Variants in TAC3 observed in about 807,000 individuals in gnomAD.
TAC3 encodes the protein tachykinin-3.
A neutral mutation model predicts 16.5 loss-of-function variants in TAC3; 9 were observed. The observed-to-expected ratio is 0.55, with a 90% CI of 0.33 to 0.95. The LOEUF is 0.95. Ranked by LOEUF, TAC3 falls within the 40% of genes least tolerant of loss-of-function variation. The pLI is 0.03. For missense variants in TAC3, 129 were observed against 149.1 expected (o/e 0.87, Z 0.70); for synonymous variants, 52 against 56.7 (o/e 0.92, Z 0.37).
chr12:57,012,019 T>C (rs1397060516), intron 6 of TAC3: 2 of 307,216 alleles, frequency 6.5e-6, no homozygotes, highest in East Asian at 1.6e-4. Flanking sequence ...GTGGTATTTG[T>C]AATTATCAGA....
At chr12:57,011,055 C>T (rs535529448) in intron 6 of TAC3, among the ~76,000 whole-genome samples, 5 of 152,212 alleles carry the variant, frequency 3.3e-5, no homozygotes, top group East Asian at 3.9e-4. Context: ...TATAGCTGCT[C>T]GTATAATTAT....
Position 57,015,683 on chromosome 12 carries a change from C to T in TAC3, c.114+1G>A. ...CCAGTACTCTGCCAGGGGAGACTTA[C>T]CTTGCTGCGGCCCCCGCCAGGAACC... On this transcript the variant is annotated splice_donor_variant, in intron 2 of 6. Coordinates refer to ENST00000458521, the MANE Select transcript of TAC3 (RefSeq NM_013251.4). LOFTEE classifies it high-confidence loss of function. 6.2e-7 allele frequency: 1 copy of T among 1,613,390 alleles called. No homozygotes were observed. Among genetic ancestry groups the T allele is most frequent in the Non-Finnish European group, 8.5e-7 (1 of 1,179,816 alleles).
Position 57,013,675 on chromosome 12 carries a change from G to A in TAC3, c.115-4C>T, listed in dbSNP as rs756777532. On this transcript the variant is annotated splice_region_variant and splice_polypyrimidine_tract_variant and intron_variant, in intron 2 of 6. Transcript: ENST00000458521. The stretch of plus-strand genomic sequence containing the variant: ...GCTGGTAGAGATCTGGATCCCTCTA[G>A]GGAAGAAACAAAGAGGGGTGAGGCA... 6.8e-6 allele frequency: 11 copies of A among 1,610,080 alleles called. No homozygotes were observed. Among genetic ancestry groups the A allele is most frequent in the Non-Finnish European group, 9.3e-6 (11 of 1,178,106 alleles).
chr12:57,010,440 T>C (rs1191566083), intron 6 of TAC3, among the ~76,000 whole-genome samples, 152 bp from the exon 7 acceptor site: 1 of 152,242 alleles, frequency 6.6e-6, no homozygotes, highest in Non-Finnish European at 1.5e-5. Flanking sequence ...ACCCTCAGCC[T>C]GCCCTCCAGG....
Position 57,010,209 on chromosome 12 carries a change from T to C in TAC3, c.*81A>G. On this transcript the variant is annotated 3_prime_UTR_variant, in exon 7 of 7. Transcript: ENST00000458521. ...TTACAAGAACAGGGAAGAGAAAGGG[T>C]AACAGGAGCGTGCGCACCTGGGGAT... is the stretch of plus-strand genomic sequence containing the variant. 1 of 453,868 alleles carries C rather than the reference T, an allele frequency of 2.2e-6. No homozygotes were observed. The highest frequency in any genetic ancestry group is 4.4e-6 in the Non-Finnish European group (1 of 226,746). The allele number at this position is 453,868 out of a possible 1,614,324, so 28.1% of individuals were successfully genotyped here. A position where few individuals can be genotyped will look rare whatever the true frequency, so the allele number is the denominator to read the frequency against.
intron 1 of TAC3, 24 bp downstream of exon 1, chr12:57,016,363 T>C (rs1956374976): frequency 2.3e-6 from 1 of 435,228 alleles, no homozygotes; most frequent in South Asian, 1.6e-5. Flanking sequence ...CTCTGGTCCA[T>C]CCAGCATTCT....
intron 6 of TAC3, among the ~76,000 whole-genome samples, chr12:57,011,690 C>G (rs1292362133): frequency 6.6e-6 from 1 of 152,226 alleles, no homozygotes; most frequent in Non-Finnish European, 1.5e-5. Flanking sequence ...CTCAAAACCA[C>G]AACCCTGTGA....
At chr12:57,013,031 C>T in intron 4 of TAC3, 156 bp from the exon 5 acceptor site, 1 of 919,408 alleles carries the variant, frequency 1.1e-6, no homozygotes, top group Admixed American at 2.0e-5. Context: ...TCCCCTAAAC[C>T]CACTCTCTCT....
At chr12:57,013,432 AAAGT>A in intron 3 of TAC3, 44 bp from the exon 4 acceptor site, 1 of 1,612,966 alleles carries the variant, frequency 6.2e-7, no homozygotes, top group Non-Finnish European at 8.5e-7. Flanking sequence ...GTGAAGTTGG[AAAGT>A]GATGAGAGCG....
At chr12:57,013,713 C>A in intron 2 of TAC3, 42 bp from the exon 3 acceptor site, 1 of 1,492,162 alleles carries the variant, frequency 6.7e-7, no homozygotes, top group Non-Finnish European at 9.3e-7. Flanking sequence ...AGGCTCCCAC[C>A]CGGATCCACT....
At chr12:57,015,445 C>T (rs527913988) in intron 2 of TAC3, among the ~76,000 whole-genome samples, 1 of 152,286 alleles carries the variant, frequency 6.6e-6, no homozygotes, top group East Asian at 1.9e-4. Context: ...CACCAAACAA[C>T]ATATTTGTAG....
Position 57,015,709 on chromosome 12 carries a change from A to ACC in TAC3, c.87_88dup (p.Val30GlyfsTer36). On this transcript the variant is annotated frameshift_variant, in exon 2 of 7. Coordinates refer to ENST00000458521, the MANE Select transcript of TAC3 (RefSeq NM_013251.4). LOFTEE classifies it high-confidence loss of function. Reference sequence around the variant, plus strand: ...CTTGCTGCGGCCCCCGCCAGGAACCACCTCCTCCTGTGGCTCCTTACAGAC... The same window carrying ACC: ...CTTGCTGCGGCCCCCGCCAGGAACCACCCCTCCTCCTGTGGCTCCTTACAGAC... 6.2e-7 allele frequency: 1 copy of ACC among 1,613,660 alleles called. No individual in the cohort carries two copies. Among genetic ancestry groups the ACC allele is most frequent in the Non-Finnish European group, 8.5e-7 (1 of 1,179,926 alleles).
chr12:57,012,027 A>T (rs59613457), intron 6 of TAC3: 6 of 310,862 alleles, frequency 1.9e-5, no homozygotes, highest in Non-Finnish European at 3.7e-5. Context: ...TGTAATTATC[A>T]GATAATAATT....
intron 4 of TAC3, 149 bp downstream of exon 4, chr12:57,013,210 C>A: frequency 9.6e-7 from 1 of 1,043,936 alleles, no homozygotes; most frequent in South Asian, 1.3e-5. Flanking sequence ...GATGGCCTCT[C>A]CCTTTCAGGA....
rs184345393 is a variant in TAC3, at chr12:57,012,584, G to A, written c.293-132C>T. 1.1e-4 allele frequency: 178 copies of A among 1,608,038 alleles called. No homozygotes were observed. In the African/African-American group the frequency reaches 1.9e-3, roughly 17 times the overall value. On this transcript the variant is annotated intron_variant, in intron 5 of 6. Transcript: ENST00000458521. ...GTTGGGAGACTGGGGTGGAAGCAGA[G>A]TCTCCCTATCCTTCCTCCCAGCTGC...
At chr12:57,012,982 T>C in intron 4 of TAC3, 107 bp from the exon 5 acceptor site, 1 of 1,435,804 alleles carries the variant, frequency 7.0e-7, no homozygotes, top group Non-Finnish European at 9.8e-7. Context: ...CTGTTCCTTT[T>C]TCTTGTCAAA....
At chr12:57,014,702 G>T (rs537871934) in intron 2 of TAC3, among the ~76,000 whole-genome samples, 1 of 144,928 alleles carries the variant, frequency 6.9e-6, no homozygotes, top group South Asian at 2.1e-4. Context: ...CACTCCCCTG[G>T]GTGTTTTTTT....
At chr12:57,012,474 A>G in intron 5 of TAC3, 22 bp from the exon 6 acceptor site, 3 of 1,613,734 alleles carry the variant, frequency 1.9e-6, no homozygotes, top group Non-Finnish European at 2.5e-6. Context: ...CGAACAGTGT[A>G]AGTAAGAGGG....
At chr12:57,014,888 G>C (rs1565634327) in intron 2 of TAC3, among the ~76,000 whole-genome samples, 1 of 152,188 alleles carries the variant, frequency 6.6e-6, no homozygotes, top group Non-Finnish European at 1.5e-5. Flanking sequence ...TGAAGAGGCA[G>C]TTAAACTTCA....
Sources: gnomAD v4.1 joint callset for allele counts (sites outside exome capture counted in the v4.1 genomes callset) on GRCh38, gnomAD v4.1.1 for gene constraint, MANE v1.5 for transcripts, NCBI Gene and HGNC (gene_info 2026-07-23, HGNC 2026-07-21) for gene names.